DMXL2: variants seen among roughly 807,000 people sequenced by gnomAD.
DMXL2 encodes dmX-like protein 2.
In DMXL2, 103 loss-of-function variants were observed where a neutral mutation model predicts 331.1. That is an observed-to-expected ratio of 0.31 (90% confidence interval 0.27 to 0.37). The LOEUF (loss-of-function observed/expected upper bound fraction) is 0.37, where lower values mean the gene tolerates loss of function less well. Among genes scored for constraint, DMXL2 ranks in the 10% least tolerant of loss-of-function variants. DMXL2 has a pLI of 1.00. For missense variants in DMXL2, 3,171 were observed against 3,642.9 expected (o/e 0.87, Z 3.33); for synonymous variants, 1,281 against 1,252.1 (o/e 1.02, Z -0.49).
chr15:51,566,979 C>CTTTTT (rs1475623510), intron 3 of DMXL2: 1 of 150,688 alleles, frequency 6.6e-6, no homozygotes, highest in East Asian at 1.9e-4. Flanking sequence ...GGTAAGTGAG[C>CTTTTT]TTTTTAAACT....
At chr15:51,469,418 C>G (rs1440739184) in intron 29 of DMXL2, among the ~76,000 whole-genome samples, 1 of 151,982 alleles carries the variant, frequency 6.6e-6, no homozygotes, top group East Asian at 1.9e-4. Context: ...AAAATGACAG[C>G]TATATAAGTT....
At chr15:51,532,619 T>C (rs1411459236) in intron 13 of DMXL2, among the ~76,000 whole-genome samples, 1 of 152,160 alleles carries the variant, frequency 6.6e-6, no homozygotes, top group Non-Finnish European at 1.5e-5. Context: ...TGCATGCCTA[T>C]ATCAAAACAT....
intron 15 of DMXL2, among the ~76,000 whole-genome samples, chr15:51,512,535 G>A (rs2046817188): frequency 6.6e-6 from 1 of 152,196 alleles, no homozygotes; most frequent in Non-Finnish European, 1.5e-5. Flanking sequence ...GGGGGGCCAG[G>A]CGTAGTGGCT....
At chr15:51,498,463 G>T in intron 18 of DMXL2, 89 bp downstream of exon 18, 1 of 1,325,404 alleles carries the variant, frequency 7.5e-7, no homozygotes, top group Non-Finnish European at 1.0e-6. Flanking sequence ...TGAAAGTTGA[G>T]ACTGCAATTC....
intron 24 of DMXL2, 83 bp downstream of exon 24, chr15:51,480,459 G>C (rs1386139553): frequency 1.4e-6 from 2 of 1,421,816 alleles, no homozygotes; most frequent in Middle Eastern, 1.9e-4. Context: ...GTAAAAAGTA[G>C]TAAAAGAGCT....
chr15:51,580,281 C>T (rs868368033), intron 1 of DMXL2, among the ~76,000 whole-genome samples: 2 of 152,188 alleles, frequency 1.3e-5, no homozygotes, highest in East Asian at 1.9e-4. Context: ...ACAGGGTGTT[C>T]GTTAAGACTA....
chr15:51,602,874 C>T (rs964419886), intron 1 of DMXL2, among the ~76,000 whole-genome samples: 2 of 152,092 alleles, frequency 1.3e-5, no homozygotes, highest in Admixed American at 6.6e-5. Flanking sequence ...AGTCGCATAA[C>T]GTAATATTTT....
Position 51,589,832 on chromosome 15 carries a change from A to G in DMXL2, c.88-13651T>C, listed in dbSNP as rs79057710. On this transcript the variant is annotated intron_variant, in intron 1 of 43. Transcript: ENST00000560891. Reference sequence around the variant, plus strand: ...AAAGAGAATTAAATAGAGTACTTTGATTCAGTAAATCTCTTTTTAGGACTC... The same window carrying G: ...AAAGAGAATTAAATAGAGTACTTTGGTTCAGTAAATCTCTTTTTAGGACTC... 8.5e-4 allele frequency among the ~76,000 whole-genome samples: 129 copies of G among 152,358 alleles called. 1 individual carries two copies. The East Asian group carries it at 0.02, about 24-fold the overall frequency.
intron 1 of DMXL2, among the ~76,000 whole-genome samples, chr15:51,587,225 T>A (rs368737020): frequency 2.0e-5 from 3 of 152,176 alleles, no homozygotes; most frequent in East Asian, 1.9e-4. Flanking sequence ...CGTGCAGGTT[T>A]GTTACATATG....
intron 29 of DMXL2, 91 bp downstream of exon 29, chr15:51,471,132 C>A: frequency 8.1e-7 from 1 of 1,231,960 alleles, no homozygotes; most frequent in African/African-American, 1.5e-5. Context: ...AATCCAAAAG[C>A]TACCCCATCA....
intron 13 of DMXL2, among the ~76,000 whole-genome samples, chr15:51,518,005 C>A (rs1470592815): frequency 6.6e-6 from 1 of 152,112 alleles, no homozygotes; most frequent in Non-Finnish European, 1.5e-5. Flanking sequence ...ACCCAAGATT[C>A]ATGATTTAAA....
chr15:51,471,006 C>T (rs2041054861), intron 29 of DMXL2, among the ~76,000 whole-genome samples: 1 of 152,188 alleles, frequency 6.6e-6, no homozygotes, highest in African/African-American at 2.4e-5. Context: ...TTATACATAA[C>T]TCCCATGTGA....
At chr15:51,512,818 A>G (rs1301201951) in intron 15 of DMXL2, among the ~76,000 whole-genome samples, 1 of 119,972 alleles carries the variant, frequency 8.3e-6, no homozygotes, top group African/African-American at 6.1e-5. Flanking sequence ...CTGTCTCGGA[A>G]AAAAAAAAAA....
chr15:51,462,035 A>G (rs1014470598), intron 33 of DMXL2, among the ~76,000 whole-genome samples: 18 of 152,150 alleles, frequency 1.2e-4, no homozygotes, highest in African/African-American at 4.3e-4. Context: ...AAAGCTTATA[A>G]CTAGGACTCA....
intron 1 of DMXL2, among the ~76,000 whole-genome samples, chr15:51,614,201 G>A (rs1208440753): frequency 6.6e-6 from 1 of 152,148 alleles, no homozygotes; most frequent in African/African-American, 2.4e-5. Flanking sequence ...TACAAGACAA[G>A]GAGAAAGTCC....
At position 51,486,143 on chromosome 15, in the gene DMXL2, T is replaced by G; in HGVS notation, c.5412A>C (p.Val1804=). Residue 1804 remains valine (V), a synonymous_variant, in exon 23 of 44, where the codon GTA becomes GTC. Transcript: ENST00000560891. ...DPFLRSLAYW[V]MKDYTRALDT... ...CCAAGGCTCGGGTGTAATCTTTCAT[T>G]ACCCAATAGGCAAGACTACGCAGGA... 6.2e-7 allele frequency: 1 copy of G among 1,614,060 alleles called. No homozygotes were observed. The highest frequency in any genetic ancestry group is 8.5e-7 in the Non-Finnish European group (1 of 1,179,932).
At chr15:51,557,925 A>T (rs1040699394) in intron 6 of DMXL2, among the ~76,000 whole-genome samples, 1 of 152,372 alleles carries the variant, frequency 6.6e-6, no homozygotes, top group East Asian at 1.9e-4. Context: ...TCCATATTCT[A>T]GACCAGAGGC....
At position 51,474,454 on chromosome 15, in the gene DMXL2, T is replaced by A. The variant is rs753513520; in HGVS notation, c.7103A>T (p.Glu2368Val). Residue 2368 changes from glutamate to valine, a missense_variant, in exon 28 of 44, where the codon GAA (glutamate) becomes GTA (valine). Physicochemically the swap from Glu to Val is moderately radical, Grantham distance 121. This residue lies in a region of DMXL2 where 766 missense variants were observed against 940.5 expected (regional missense o/e 0.81). Transcript: ENST00000560891. ...IHALATNSSS[E>V]LFRLAAHPLN... ...TGGGTGGGCTGCAAGCCGAAATAAT[T>A]CACTGGAGGAATTTGTGGCAAGAGC... is the stretch of plus-strand genomic sequence containing the variant. 5 of 1,614,170 alleles carry A rather than the reference T, an allele frequency of 3.1e-6. No individual in the cohort carries two copies. The highest frequency in any genetic ancestry group is 3.3e-4 in the Middle Eastern group (2 of 6,060).
intron 1 of DMXL2, among the ~76,000 whole-genome samples, chr15:51,594,846 C>G (rs1000453569): frequency 2.4e-4 from 37 of 152,264 alleles, no homozygotes; most frequent in African/African-American, 8.9e-4. Context: ...CAGAAAAGGC[C>G]TTTGACAAAA....
Sources: gnomAD v4.1 joint callset for allele counts (sites outside exome capture counted in the v4.1 genomes callset) on GRCh38, gnomAD v4.1.1 for gene constraint, gnomAD v4.1.1 regional missense constraint, MANE v1.5 for transcripts, NCBI Gene and HGNC (gene_info 2026-07-23, HGNC 2026-07-21) for gene names.